PHF21A: variants seen among roughly 807,000 people sequenced by gnomAD.
PHF21A encodes PHD finger protein 21A.
PHF21A carries 11 observed loss-of-function variants against 82.5 expected under a neutral mutation model. The observed-to-expected ratio is 0.13, with a 90% CI of 0.08 to 0.22. PHF21A has a LOEUF of 0.22. PHF21A is among the 10% of genes least tolerant of loss of function. The pLI is 1.00. For synonymous variants in PHF21A, 297 were observed against 302.8 expected (o/e 0.98, Z 0.20); for missense variants, 579 against 837.8 (o/e 0.69, Z 3.81).
In PHF21A at chr11:45,971,287, G is replaced by A; in HGVS notation, c.441C>T (p.Ala147=). 1 of 1,614,182 alleles carries A rather than the reference G, an allele frequency of 6.2e-7. No homozygotes were observed. Among genetic ancestry groups the A allele is most frequent in the Non-Finnish European group, 8.5e-7 (1 of 1,180,016 alleles). ...VLKAATATMP[A]SVVGQRPTIA... is the part of the protein sequence containing the mutation. ...TGGTAGGTCTCTGGCCCACCACAGA[G>A]GCAGGCATGGTCGCAGTTGCTGCTT... The change falls in exon 8 of 19, where the codon GCC becomes GCT. Residue 147 remains alanine (A), a synonymous_variant. Transcript: ENST00000676320.
chr11:46,061,244 C>A (rs1046978326), intron 6 of PHF21A, among the ~76,000 whole-genome samples: 1 of 152,128 alleles, frequency 6.6e-6, no homozygotes, highest in African/African-American at 2.4e-5. Context: ...TAGCATGATG[C>A]CTCCACCAGC....
At chr11:46,030,820 CGT>C (rs1019260318) in intron 6 of PHF21A, among the ~76,000 whole-genome samples, 46 of 75,382 alleles carry the variant, frequency 6.1e-4, no homozygotes, top group South Asian at 6.1e-3. Flanking sequence ...TGTGTGTGTG[CGT>C]GTGTGTGCGT....
Position 46,042,675 on chromosome 11 carries a change from T to C in PHF21A, c.153+34079A>G, listed in dbSNP as rs554400028. Reference sequence around the variant, plus strand: ...TCCCCAGTGCAACTGTATTATGAGGTGAGGTCTTTAAGAGGCCATTAGGTC... The same window carrying C: ...TCCCCAGTGCAACTGTATTATGAGGCGAGGTCTTTAAGAGGCCATTAGGTC... On this transcript the variant is annotated intron_variant, in intron 6 of 18. Transcript: ENST00000676320. 1.6e-3 allele frequency among the ~76,000 whole-genome samples: 245 copies of C among 152,220 alleles called. 1 individual carries two copies. In the Middle Eastern group the frequency reaches 0.017, roughly 11 times the overall value.
intron 7 of PHF21A, among the ~76,000 whole-genome samples, chr11:45,979,462 A>C (rs573727895): frequency 6.6e-6 from 1 of 152,336 alleles, no homozygotes; most frequent in African/African-American, 2.4e-5. Context: ...CCAAAAATTC[A>C]AAATAAGGTT....
intron 6 of PHF21A, among the ~76,000 whole-genome samples, chr11:46,037,210 A>G (rs917793890): frequency 6.6e-6 from 1 of 152,202 alleles, no homozygotes; most frequent in African/African-American, 2.4e-5. Context: ...CAGAAAGGCT[A>G]TGTTTGTAGT....
At chr11:45,934,361 C>G in intron 18 of PHF21A, 136 bp from the exon 19 acceptor site, 5 of 877,368 alleles carry the variant, frequency 5.7e-6, no homozygotes, top group Non-Finnish European at 8.7e-6. Context: ...CTGGGCCTTG[C>G]TGTGTTCCTC....
chr11:46,064,015 T>C (rs1220948270), intron 6 of PHF21A, among the ~76,000 whole-genome samples: 1 of 152,176 alleles, frequency 6.6e-6, no homozygotes, highest in African/African-American at 2.4e-5. Flanking sequence ...TCAAGTTCTG[T>C]CGATTAACAC....
chr11:45,936,757 A>G (rs2089159355), intron 16 of PHF21A, 188 bp from the exon 17 acceptor site: 5 of 562,092 alleles, frequency 8.9e-6, no homozygotes, highest in Non-Finnish European at 1.6e-5. Flanking sequence ...TAGGAGAATC[A>G]AGTTCAAGGC....
chr11:45,979,618 T>C, intron 7 of PHF21A, 142 bp downstream of exon 7: 2 of 1,148,138 alleles, frequency 1.7e-6, no homozygotes, highest in Non-Finnish European at 2.5e-6. Flanking sequence ...TTATCTGGGT[T>C]ATACTGTAAA....
intron 8 of PHF21A, 183 bp downstream of exon 8, chr11:45,970,933 T>C: frequency 1.5e-6 from 1 of 686,460 alleles, no homozygotes; most frequent in Non-Finnish European, 2.4e-6. Context: ...AGGACGCTTC[T>C]GTAGTGATTT....
intron 6 of PHF21A, among the ~76,000 whole-genome samples, chr11:46,000,077 T>C (rs958194598): frequency 2.0e-5 from 3 of 152,194 alleles, no homozygotes; most frequent in African/African-American, 7.2e-5. Context: ...CTGAGGACAG[T>C]ACATTAGCCC....
intron 18 of PHF21A, 75 bp from the exon 19 acceptor site, chr11:45,934,300 C>A: frequency 7.1e-7 from 1 of 1,409,304 alleles, no homozygotes; most frequent in African/African-American, 1.4e-5. Context: ...AAGAGCAGAG[C>A]GCCTTCTCTC....
At chr11:45,955,165 GC>G (rs2092533530) in intron 10 of PHF21A, among the ~76,000 whole-genome samples, 1 of 152,028 alleles carries the variant, frequency 6.6e-6, no homozygotes, top group African/African-American at 2.4e-5. Context: ...TCTTGTTTTT[GC>G]ATCCCTTTGT....
intron 1 of PHF21A, among the ~76,000 whole-genome samples, chr11:46,093,961 T>A (rs1289062663): frequency 2.0e-5 from 3 of 152,026 alleles, no homozygotes; most frequent in African/African-American, 2.4e-5. Context: ...TTGGACAAAA[T>A]TAAAATTAAG....
At chr11:46,113,785 C>T (rs1433472714) in intron 1 of PHF21A, among the ~76,000 whole-genome samples, 1 of 147,764 alleles carries the variant, frequency 6.8e-6, no homozygotes, top group Non-Finnish European at 1.5e-5. Flanking sequence ...AATATCGCAC[C>T]ACTGCACTCC....
intron 10 of PHF21A, among the ~76,000 whole-genome samples, chr11:45,962,526 TAA>T (rs1450373990): frequency 1.3e-5 from 2 of 152,082 alleles, no homozygotes; most frequent in Non-Finnish European, 2.9e-5. Flanking sequence ...CGGTAACCTC[TAA>T]GACTATTATG....
intron 6 of PHF21A, among the ~76,000 whole-genome samples, chr11:46,017,357 A>T (rs2095537521): frequency 6.6e-6 from 1 of 152,244 alleles, no homozygotes; most frequent in African/African-American, 2.4e-5. Context: ...TTTAGCACTC[A>T]GAACGACTAA....
chr11:46,113,694 C>T (rs149654239), intron 1 of PHF21A, among the ~76,000 whole-genome samples: 2,302 of 151,918 alleles, frequency 0.015, 59 homozygotes, highest in African/African-American at 0.053. Flanking sequence ...GGCGTGGTGG[C>T]GCACGCCTGT....
At chr11:46,072,095 TAAGG>T (rs528248030) in intron 6 of PHF21A, among the ~76,000 whole-genome samples, 150 of 152,292 alleles carry the variant, frequency 9.8e-4, no homozygotes, top group African/African-American at 3.3e-3. Context: ...AACAATCTAA[TAAGG>T]AAGACAGATA....
Sources: gnomAD v4.1 joint callset for allele counts (sites outside exome capture counted in the v4.1 genomes callset) on GRCh38, gnomAD v4.1.1 for gene constraint, MANE v1.5 for transcripts, NCBI Gene and HGNC (gene_info 2026-07-23, HGNC 2026-07-21) for gene names.